Variants in SLC24A2 observed in about 807,000 individuals in gnomAD.
SLC24A2 encodes solute carrier family 24 member 2, also known as sodium/potassium/calcium exchanger 2.
In SLC24A2, 36 loss-of-function variants were observed where a neutral mutation model predicts 62.0. The ratio of observed to expected loss-of-function variants is 0.58; its 90% CI spans 0.44 to 0.77. The LOEUF (loss-of-function observed/expected upper bound fraction) is 0.77. SLC24A2 is among the 30% of genes least tolerant of loss of function. The probability of loss-of-function intolerance (pLI) is 0.00; values close to 1 mark genes in which losing one functional copy is unlikely to be tolerated. For synonymous variants in SLC24A2, 358 were observed against 294.0 expected (o/e 1.22, Z -2.23); for missense variants, 846 against 817.9 (o/e 1.03, Z -0.42).
intron 2 of SLC24A2, among the ~76,000 whole-genome samples, chr9:19,690,813 A>G (rs1286496826): frequency 6.6e-6 from 1 of 152,100 alleles, no homozygotes; most frequent in Non-Finnish European, 1.5e-5. Flanking sequence ...CCTGATGCTG[A>G]ATAATGAATG....
intron 2 of SLC24A2, among the ~76,000 whole-genome samples, chr9:19,698,895 G>A (rs1820275542): frequency 6.6e-6 from 1 of 152,208 alleles, no homozygotes. Flanking sequence ...TTCATTTATA[G>A]TGGAAGACAT....
At chr9:19,528,027 C>T (rs371395480) in intron 9 of SLC24A2, 22 bp downstream of exon 9, 14 of 1,410,732 alleles carry the variant, frequency 9.9e-6, no homozygotes, top group Non-Finnish European at 1.3e-5. Context: ...AAGGCAGAGG[C>T]ATGTCACTAT....
At chr9:19,778,047 T>G (rs551614781) in intron 2 of SLC24A2, among the ~76,000 whole-genome samples, 4 of 152,310 alleles carry the variant, frequency 2.6e-5, no homozygotes, top group Non-Finnish European at 5.9e-5. Flanking sequence ...ATGGTCAGGC[T>G]GTATTAAACA....
chr9:19,976,147 G>C, the SLC24A2 span, among the ~76,000 whole-genome samples: 1 of 152,064 alleles, frequency 6.6e-6, no homozygotes, highest in Non-Finnish European at 1.5e-5. Flanking sequence ...GCCTCCCAAA[G>C]TCCTGGGATT....
the SLC24A2 span, among the ~76,000 whole-genome samples, chr9:19,897,262 C>G: frequency 6.6e-6 from 1 of 152,002 alleles, no homozygotes; most frequent in Non-Finnish European, 1.5e-5. Context: ...AAACAGTGAC[C>G]CCATATTGTT....
chr9:19,852,791 G>A, the SLC24A2 span, among the ~76,000 whole-genome samples: 1 of 151,808 alleles, frequency 6.6e-6, no homozygotes, highest in African/African-American at 2.4e-5. Context: ...AGATTGTCTT[G>A]GCTATATGAG....
intron 2 of SLC24A2, among the ~76,000 whole-genome samples, chr9:19,684,017 T>C (rs1478766856): frequency 6.6e-6 from 1 of 152,112 alleles, no homozygotes; most frequent in African/African-American, 2.4e-5. Context: ...CAATTTATTG[T>C]AAGGAATGGG....
the SLC24A2 span, among the ~76,000 whole-genome samples, chr9:19,939,929 G>C: frequency 1.3e-5 from 2 of 152,234 alleles, no homozygotes; most frequent in Non-Finnish European, 2.9e-5. Context: ...AACTCACACA[G>C]TGTGTTTTGC....
At chr9:20,139,487 T>C in the SLC24A2 span, among the ~76,000 whole-genome samples, 1 of 152,190 alleles carries the variant, frequency 6.6e-6, no homozygotes, top group East Asian at 1.9e-4. Context: ...CCCCTTTGAC[T>C]AGCTCCCTCC....
At chr9:20,072,427 GA>G in the SLC24A2 span, among the ~76,000 whole-genome samples, 1 of 151,990 alleles carries the variant, frequency 6.6e-6, no homozygotes, top group Non-Finnish European at 1.5e-5. Flanking sequence ...AGTACCCGAG[GA>G]TTATAATAAA....
At chr9:19,789,165 C>T (rs1199633116), upstream of SLC24A2, among the ~76,000 whole-genome samples, 1 of 152,242 alleles carries the variant, frequency 6.6e-6, no homozygotes, top group Non-Finnish European at 1.5e-5. Flanking sequence ...CTTTGCTCCA[C>T]GCCTCCTGGG....
chr9:20,179,747 CT>C, the SLC24A2 span, among the ~76,000 whole-genome samples: 1 of 152,118 alleles, frequency 6.6e-6, no homozygotes, highest in East Asian at 1.9e-4. Flanking sequence ...GTAGAATAGA[CT>C]ATATGCTCTA....
chr9:19,616,117 C>T (rs1817762056), intron 4 of SLC24A2, among the ~76,000 whole-genome samples: 2 of 151,634 alleles, frequency 1.3e-5, no homozygotes, highest in South Asian at 4.2e-4. Context: ...AATTGGGGAA[C>T]TGGAGAAAAT....
At chr9:19,850,963 A>T in the SLC24A2 span, among the ~76,000 whole-genome samples, 3 of 23,010 alleles carry the variant, frequency 1.3e-4, no homozygotes, top group African/African-American at 3.7e-4. Flanking sequence ...ATATATATAT[A>T]TATGTATATA....
At chr9:19,937,068 T>C in the SLC24A2 span, among the ~76,000 whole-genome samples, 6 of 152,134 alleles carry the variant, frequency 3.9e-5, no homozygotes, top group South Asian at 2.1e-4. Context: ...GAACATAAAA[T>C]TGAGTCAAGA....
chr9:19,597,316 C>A (rs781613878), intron 4 of SLC24A2, 37 bp from the exon 5 acceptor site: 12 of 1,327,316 alleles, frequency 9.0e-6, no homozygotes, highest in Non-Finnish European at 1.3e-5. Flanking sequence ...AGATAAGGAA[C>A]GAGCTATAAT....
chr9:20,186,249 A>G, the SLC24A2 span, among the ~76,000 whole-genome samples: 11 of 152,288 alleles, frequency 7.2e-5, no homozygotes, highest in Non-Finnish European at 1.2e-4. Flanking sequence ...ACCTAGTGCC[A>G]TATTCAAAGA....
At chr9:19,780,872 C>CAAAAAA (rs373405657) in intron 2 of SLC24A2, among the ~76,000 whole-genome samples, 3 of 36,206 alleles carry the variant, frequency 8.3e-5, no homozygotes, top group East Asian at 8.4e-4. Flanking sequence ...GACTCCGTCT[C>CAAAAAA]AAAAAAAAAA....
intron 8 of SLC24A2, among the ~76,000 whole-genome samples, chr9:19,542,159 C>T (rs909648865): frequency 6.6e-5 from 10 of 152,112 alleles, no homozygotes; most frequent in Non-Finnish European, 1.0e-4. Context: ...CAGAAATCAC[C>T]CGTCTTCTGC....
Sources: allele counts gnomAD v4.1 joint callset (sites outside exome capture counted in the v4.1 genomes callset), GRCh38; gene constraint gnomAD v4.1.1; transcripts MANE v1.5; gene names NCBI Gene and HGNC (gene_info 2026-07-23, HGNC 2026-07-21).